TPCN2: variants seen among roughly 807,000 people sequenced by gnomAD.
TPCN2 encodes the protein two pore channel protein 2.
A neutral mutation model predicts 111.4 loss-of-function variants in TPCN2; 92 were observed. That is an observed-to-expected ratio of 0.83 (90% CI 0.70 to 0.98). The LOEUF (loss-of-function observed/expected upper bound fraction) is 0.98. Ranked by LOEUF, TPCN2 falls within the 50% of genes least tolerant of loss-of-function variation. TPCN2 has a pLI of 0.00. For missense variants in TPCN2, 995 were observed against 980.1 expected (o/e 1.02, Z -0.20); for synonymous variants, 405 against 414.5 (o/e 0.98, Z 0.28).
intron 13 of TPCN2, among the ~76,000 whole-genome samples, chr11:69,075,787 C>T (rs1565090785): frequency 6.6e-6 from 1 of 152,176 alleles, no homozygotes; most frequent in Non-Finnish European, 1.5e-5. Flanking sequence ...GCCCTGCCTG[C>T]TGCTGAAAGA....
intron 2 of TPCN2, chr11:69,054,343 A>G: frequency 1.7e-6 from 1 of 574,626 alleles, no homozygotes; most frequent in Non-Finnish European, 3.1e-6. Flanking sequence ...ACCCCATTCT[A>G]GGTCCCGGGT....
chr11:69,074,882 C>T (rs985942765), intron 13 of TPCN2, among the ~76,000 whole-genome samples: 2 of 152,164 alleles, frequency 1.3e-5, no homozygotes, highest in East Asian at 1.9e-4. Flanking sequence ...CAGTTGTTGC[C>T]GTTCCCTAGG....
rs140012274 is a variant in TPCN2 at position 69,063,940 on chromosome 11, C to T, written c.699C>T (p.Phe233=). Residue 233 remains phenylalanine, a synonymous_variant, in exon 7 of 25, where the codon TTC becomes TTT. Transcript: ENST00000294309. ...LAIHLCLFTM[F]GMLLFAGGKQ... ...TCCACCTGTGCCTCTTCACCATGTT[C>T]GGAATGCTGCTGTTCGCTGGTGGGA... 584 of 1,614,112 alleles carry T rather than the reference C, an allele frequency of 3.6e-4. 1 individual carries two copies. Among genetic ancestry groups the T allele is most frequent in the Middle Eastern group, 2.6e-3 (16 of 6,062 alleles).
intron 10 of TPCN2, among the ~76,000 whole-genome samples, 161 bp downstream of exon 10, chr11:69,071,581 G>C (rs1405159354): frequency 6.6e-6 from 1 of 152,204 alleles, no homozygotes; most frequent in Admixed American, 6.5e-5. Context: ...ATGCACATGT[G>C]TTGTTGCTCT....
intron 16 of TPCN2, chr11:69,079,252 G>C (rs1404981396): frequency 1.8e-6 from 1 of 558,944 alleles, no homozygotes; most frequent in Non-Finnish European, 3.1e-6. Context: ...TGGGGGGCAG[G>C]CTGCCCCTCC....
chr11:69,086,019 C>CAGTG, intron 22 of TPCN2, 89 bp downstream of exon 22: 1 of 1,337,702 alleles, frequency 7.5e-7, no homozygotes, highest in Non-Finnish European at 1.1e-6. Flanking sequence ...CACTGGACGC[C>CAGTG]CGGAGCGTGG....
At position 69,063,493 on chromosome 11, in the gene TPCN2, C is replaced by T. The variant is rs187588061; in HGVS notation, c.654-402C>T. On this transcript the variant is annotated intron_variant, in intron 6 of 24. Transcript: ENST00000294309. ...GCCTCCATCCAGCCTCGGCTCACCC[C>T]TGGTCCCGATCCCCTGCCGCCCTCC... Among the ~76,000 whole-genome samples the T allele has an allele frequency of 2.6e-5, 4 of 152,240 alleles. No homozygotes were observed. In the East Asian group the frequency reaches 7.8e-4, roughly 30 times the overall value.
chr11:69,054,397 G>A lies in TPCN2; in HGVS notation c.174+300G>A, dbSNP rs1590703589. On this transcript the variant is annotated intron_variant, in intron 2 of 24. Transcript: ENST00000294309. ...GGATGACACAGCTGCACGGGGCGTG[G>A]GAGGGTCAGCCTTGCACAGAGAAGA... The A allele has an allele frequency of 1.1e-5, 6 of 566,450 alleles. No homozygotes were observed. The East Asian group carries it at 1.8e-4, about 17-fold the overall frequency. The allele number at this position is 566,450 out of a possible 1,614,324, so 35.1% of individuals were successfully genotyped here.
At chr11:69,053,300 C>T (rs1011993449) in intron 1 of TPCN2, among the ~76,000 whole-genome samples, 3 of 152,192 alleles carry the variant, frequency 2.0e-5, no homozygotes, top group Non-Finnish European at 4.4e-5. Context: ...GGGACTCGGG[C>T]GTTCCTGCAG....
chr11:69,076,142 T>C (rs1166247819), intron 13 of TPCN2, among the ~76,000 whole-genome samples: 1 of 152,128 alleles, frequency 6.6e-6, no homozygotes, highest in Non-Finnish European at 1.5e-5. Context: ...TGAGGAAGGA[T>C]GGACCTGGAA....
Position 69,079,541 on chromosome 11 carries a change from G to A in TPCN2, c.1540-293G>A, listed in dbSNP as rs561756266. ...CCAGCAGGCCCCTCGGCACATAGGT[G>A]AAGAGAAATTTGAAAAGGGCCCTGC... On this transcript the variant is annotated intron_variant, in intron 16 of 24. Transcript: ENST00000294309. The A allele has an allele frequency of 2.4e-5, 9 of 367,454 alleles. No homozygotes were observed. The South Asian group carries it at 4.2e-4, about 17-fold the overall frequency. 22.8% of individuals were successfully genotyped at this position (367,454 alleles called of 1,614,324 possible).
chr11:69,079,818 TC>T lies in TPCN2; in HGVS notation c.1540-15del. 1 of 1,613,204 alleles carries T rather than the reference TC, an allele frequency of 6.2e-7. No individual in the cohort carries two copies. Among genetic ancestry groups the T allele is most frequent in the Non-Finnish European group, 8.5e-7 (1 of 1,179,598 alleles). On this transcript the variant is annotated splice_polypyrimidine_tract_variant and intron_variant, in intron 16 of 24. Transcript: ENST00000294309. ...GTGTTGCTGTAGCGAAGCCTTCTTT[TC>T]TTTTGTAATTAAAGGTTTTGGAGAT...
intron 1 of TPCN2, among the ~76,000 whole-genome samples, chr11:69,049,905 C>T (rs999603625): frequency 6.6e-6 from 1 of 151,896 alleles, no homozygotes. Context: ...AAACTGAGGC[C>T]CAGAGAGGCC....
At chr11:69,055,084 C>CGAGT (rs1181731196) in intron 3 of TPCN2, 91 bp from the exon 4 acceptor site, 1 of 1,393,504 alleles carries the variant, frequency 7.2e-7, no homozygotes. Context: ...AGCGCCAACT[C>CGAGT]CCGTGCTTCG....
At chr11:69,057,821 C>G (rs978749488) in intron 5 of TPCN2, 127 bp downstream of exon 5, 195 of 770,196 alleles carry the variant, frequency 2.5e-4, no homozygotes, top group Non-Finnish European at 4.0e-4. Flanking sequence ...CAGCACTGCC[C>G]ACCTCCCATG....
Position 69,057,560 on chromosome 11 carries a change from C to T in TPCN2, c.430-18C>T, listed in dbSNP as rs560955319. 19 of 1,610,146 alleles carry T rather than the reference C, an allele frequency of 1.2e-5. No homozygotes were observed. The highest frequency in any genetic ancestry group is 2.7e-5 in the African/African-American group (2 of 75,002). Reference sequence around the variant, plus strand: ...CGTGTGGGGCTACTTGCTGCTCACCCGCCCGTCTATCTTGCAGGGTTACCT... The same window carrying T: ...CGTGTGGGGCTACTTGCTGCTCACCTGCCCGTCTATCTTGCAGGGTTACCT... On this transcript the variant is annotated intron_variant, in intron 4 of 24. Coordinates refer to ENST00000294309, the MANE Select transcript of TPCN2 (RefSeq NM_139075.4).
intron 7 of TPCN2, among the ~76,000 whole-genome samples, chr11:69,067,048 C>T (rs901109271): frequency 9.2e-5 from 14 of 152,276 alleles, no homozygotes; most frequent in East Asian, 7.7e-4. Flanking sequence ...TATGGGCGGC[C>T]GTGGGCCCTG....
At chr11:69,078,333 T>A in intron 13 of TPCN2, 149 bp from the exon 14 acceptor site, 1 of 1,008,758 alleles carries the variant, frequency 9.9e-7, no homozygotes, top group Non-Finnish European at 1.4e-6. Flanking sequence ...GATTTCTGTG[T>A]CTGGGATTAT....
At chr11:69,062,689 G>A (rs1226682280) in intron 5 of TPCN2, among the ~76,000 whole-genome samples, 195 bp from the exon 6 acceptor site, 1 of 152,028 alleles carries the variant, frequency 6.6e-6, no homozygotes, top group Non-Finnish European at 1.5e-5. Flanking sequence ...CTGTGACAGG[G>A]AAGGACTGCA....
Sources: gnomAD v4.1 joint callset for allele counts (sites outside exome capture counted in the v4.1 genomes callset) on GRCh38, gnomAD v4.1.1 for gene constraint, MANE v1.5 for transcripts, NCBI Gene and HGNC (gene_info 2026-07-23, HGNC 2026-07-21) for gene names.